TNS1: variants seen among roughly 807,000 people sequenced by gnomAD.
TNS1 encodes tensin-1.
In TNS1, 62 loss-of-function variants were observed where a neutral mutation model predicts 168.6. The observed-to-expected ratio is 0.37, with a 90% confidence interval of 0.30 to 0.45. TNS1 has a LOEUF of 0.45. TNS1 is among the 20% of genes least tolerant of loss of function. The pLI is 1.00. For synonymous variants in TNS1, 934 were observed against 933.2 expected, an observed-to-expected ratio of 1.00 and a Z score of -0.02; for missense variants, 2,240 against 2,339.4, an observed-to-expected ratio of 0.96 and a Z score of 0.88.
chr2:217,858,448 A>C, intron 18 of TNS1: 9 of 915,712 alleles, frequency 9.8e-6, no homozygotes, highest in Non-Finnish European at 9.1e-6. Flanking sequence ...AGAAAGCCAC[A>C]CAAGAACACT....
At chr2:218,000,321 C>T (rs534720756) in intron 1 of TNS1, among the ~76,000 whole-genome samples, 1 of 152,222 alleles carries the variant, frequency 6.6e-6, no homozygotes, top group South Asian at 2.1e-4. Context: ...GGCACAAGAA[C>T]TATCTCAGTC....
At position 217,818,735 on chromosome 2, in the gene TNS1, C is replaced by T. The variant is rs375025312; in HGVS notation, c.3597G>A (p.Ser1199=). The T allele has an allele frequency of 3.0e-5, 48 of 1,612,012 alleles. No individual in the cohort carries two copies. Among genetic ancestry groups the T allele is most frequent in the Middle Eastern group, 3.4e-4 (2 of 5,814 alleles). The change falls in exon 24 of 33, where the codon TCG becomes TCA. Residue 1199 remains serine (S), a synonymous_variant. Coordinates refer to ENST00000682258, the MANE Select transcript of TNS1 (RefSeq NM_001387777.1). The stretch of plus-strand genomic sequence containing the variant: ...GGGGACCCTGGTCACTGCTCTCTCC[C>T]GACGGGAAACTCCCCACTGAAGTGC... ...ADSTSVGSFP[S]GESSDQGPRT...
intron 3 of TNS1, among the ~76,000 whole-genome samples, chr2:217,934,931 G>A (rs967543980): frequency 1.3e-5 from 2 of 152,208 alleles, no homozygotes; most frequent in African/African-American, 2.4e-5. Context: ...AAGAGAGAAC[G>A]CCCCTAACTC....
At chr2:217,853,209 C>T (rs927130466) in intron 18 of TNS1, among the ~76,000 whole-genome samples, 5 of 152,034 alleles carry the variant, frequency 3.3e-5, no homozygotes, top group African/African-American at 4.8e-5. Flanking sequence ...AAAAGAGAGA[C>T]GGGGGCAGAG....
At chr2:218,009,524 C>G (rs1052357331) in intron 1 of TNS1, among the ~76,000 whole-genome samples, 4 of 151,978 alleles carry the variant, frequency 2.6e-5, no homozygotes, top group Non-Finnish European at 5.9e-5. Flanking sequence ...GCCCCCAGCC[C>G]AGCTGCTGCT....
rs1369971351 is a variant in TNS1 at position 218,002,847 on chromosome 2, A to G, written c.26T>C (p.Met9Thr). Residue 9 changes from methionine to threonine, a missense_variant, in exon 1 of 33, where the codon ATG becomes ACG. Physicochemically the swap from Met to Thr is moderately conservative, Grantham distance 81. Transcript: ENST00000682258. Reference protein sequence around the residue: MTWICLSCMLWPEDLEAPK... With the variant: MTWICLSCTLWPEDLEAPK... ...TAAAGCAGCCAGACCTACCCAGAGC[A>G]TGCAGGACAGACAGATCCACGTCAT... The G allele has an allele frequency of 2.2e-6, 1 of 456,942 alleles. No homozygotes were observed. Among genetic ancestry groups the G allele is most frequent in the African/African-American group, 2.0e-5 (1 of 50,184 alleles). The allele number at this position is 456,942 out of a possible 1,614,324, so 28.3% of individuals were successfully genotyped here.
chr2:217,880,748 G>A lies in TNS1; in HGVS notation c.1429+150C>T, dbSNP rs1185474063. 5 of 655,776 alleles carry A rather than the reference G, an allele frequency of 7.6e-6. No individual in the cohort carries two copies. In the East Asian group the frequency reaches 1.0e-4, roughly 13 times the overall value. The allele number at this position is 655,776 out of a possible 1,614,324, so 40.6% of individuals were successfully genotyped here. A position where few individuals can be genotyped will look rare whatever the true frequency, so the allele number is the denominator to read the frequency against. On this transcript the variant is annotated intron_variant, in intron 18 of 32. Coordinates refer to ENST00000682258, the MANE Select transcript of TNS1 (RefSeq NM_001387777.1). This position sits in a 1 kb window ranked among gnomAD's most constrained non-coding sequence, Gnocchi z 4.2. Reference sequence around the variant, plus strand: ...CATATATGTGCCTTATCTTCCCCCAGTTAACGGTGAGCTCTCGGAGGTACC... The same window carrying A: ...CATATATGTGCCTTATCTTCCCCCAATTAACGGTGAGCTCTCGGAGGTACC...
chr2:217,979,190 C>T (rs933198050), intron 2 of TNS1, among the ~76,000 whole-genome samples: 1 of 152,240 alleles, frequency 6.6e-6, no homozygotes, highest in Admixed American at 6.5e-5. Flanking sequence ...ACACACACAC[C>T]AGGCAGGCAG....
At chr2:217,905,764 C>T (rs1045722494) in intron 6 of TNS1, among the ~76,000 whole-genome samples, 4 of 152,212 alleles carry the variant, frequency 2.6e-5, no homozygotes, top group African/African-American at 7.2e-5. Context: ...GAAGAGACCC[C>T]GAGCCCTTCT....
intron 18 of TNS1, among the ~76,000 whole-genome samples, chr2:217,866,924 C>T (rs1489796152): frequency 6.6e-6 from 1 of 152,216 alleles, no homozygotes; most frequent in Non-Finnish European, 1.5e-5. Context: ...CATGGGGCAG[C>T]AGGGCAGGGC....
At chr2:218,025,489 A>T (rs1958843029) in intron 1 of TNS1, among the ~76,000 whole-genome samples, 4 of 152,126 alleles carry the variant, frequency 2.6e-5, no homozygotes, top group Admixed American at 2.6e-4. Context: ...CCCTCAGGTG[A>T]TCTGCCCACC....
intron 18 of TNS1, chr2:217,879,477 G>A (rs984147616): frequency 1.5e-5 from 7 of 452,444 alleles, no homozygotes; most frequent in Non-Finnish European, 2.7e-5. Context: ...GAGGGGCCTG[G>A]TGGGGTGTCT....
rs146603115 is a variant in TNS1 at position 217,927,284 on chromosome 2, G to C, written c.187-7048C>G. On this transcript the variant is annotated intron_variant, in intron 3 of 32. Coordinates refer to ENST00000682258, the MANE Select transcript of TNS1 (RefSeq NM_001387777.1). ...AACCACAAGAAGCCCCCCTTTGGCT[G>C]GGACACAGGATGGGTGAAGGAAAGG... is the stretch of plus-strand genomic sequence containing the variant. Among the ~76,000 whole-genome samples the C allele has an allele frequency of 1.2e-3, 189 of 152,302 alleles. 1 individual carries two copies. The highest frequency in any genetic ancestry group is 3.9e-3 in the African/African-American group (161 of 41,568).
chr2:217,981,831 T>A (rs1387722124), intron 2 of TNS1, among the ~76,000 whole-genome samples: 1 of 152,198 alleles, frequency 6.6e-6, no homozygotes, highest in Non-Finnish European at 1.5e-5. Context: ...AGTTTGGGCC[T>A]GTCAATCTGC....
chr2:217,965,762 G>A (rs13425069), intron 3 of TNS1, among the ~76,000 whole-genome samples: 4,523 of 152,192 alleles, frequency 0.03, 193 homozygotes, highest in South Asian at 0.11. Flanking sequence ...CCAGCTCAAC[G>A]GGCACCACAG....
intron 6 of TNS1, among the ~76,000 whole-genome samples, chr2:217,903,025 A>T (rs1953201957): frequency 6.6e-6 from 1 of 152,204 alleles, no homozygotes; most frequent in Non-Finnish European, 1.5e-5. Flanking sequence ...CTCCAGAAAC[A>T]CAGGTGACCT....
At chr2:217,860,301 C>T (rs889975515) in intron 18 of TNS1, among the ~76,000 whole-genome samples, 4 of 152,160 alleles carry the variant, frequency 2.6e-5, no homozygotes, top group Non-Finnish European at 5.9e-5. Context: ...AAATGGTACC[C>T]AGTGCCCTGT....
intron 1 of TNS1, among the ~76,000 whole-genome samples, chr2:218,021,853 C>T (rs976258171): frequency 7.9e-4 from 121 of 152,354 alleles, no homozygotes; most frequent in African/African-American, 2.8e-3. Flanking sequence ...CAGGACCCAG[C>T]AGGCAGCCAG....
chr2:217,874,283 C>T (rs559724097), intron 18 of TNS1, among the ~76,000 whole-genome samples: 1 of 152,216 alleles, frequency 6.6e-6, no homozygotes, highest in Admixed American at 6.5e-5. Flanking sequence ...GCTTGTTCAG[C>T]CCAGTAAGTA....
Sources: allele counts gnomAD v4.1 joint callset (sites outside exome capture counted in the v4.1 genomes callset), GRCh38; gene constraint gnomAD v4.1.1; non-coding constraint Gnocchi (gnomAD v3.1); transcripts MANE v1.5; gene names NCBI Gene and HGNC (gene_info 2026-07-23, HGNC 2026-07-21).